NR3C2: variants seen among roughly 807,000 people sequenced by gnomAD.
NR3C2 encodes nuclear receptor subfamily 3 group C member 2.
NR3C2 carries 15 observed loss-of-function variants against 86.4 expected under a neutral mutation model. That is an observed-to-expected ratio of 0.17 (90% CI 0.12 to 0.27). The LOEUF (loss-of-function observed/expected upper bound fraction) is 0.27. Ranked by LOEUF, NR3C2 falls within the 10% of genes least tolerant of loss-of-function variation. The probability of loss-of-function intolerance (pLI) is 1.00; values close to 1 mark genes in which losing one functional copy is unlikely to be tolerated. For missense variants in NR3C2, 960 were observed against 1,195.6 expected (o/e 0.80, Z 2.91); for synonymous variants, 458 against 450.5 (o/e 1.02, Z -0.21).
rs527538188 is a variant in NR3C2, at chr4:148,183,122, T to C, written c.2014+11624A>G. On this transcript the variant is annotated intron_variant, in intron 4 of 8. Coordinates refer to ENST00000358102, the MANE Select transcript of NR3C2 (RefSeq NM_000901.5). ...TTGCTGAGAATGATGGTTTCCAGCT[T>C]CATCCATGTCCCTGTAAAGGACATG... 2.4e-4 allele frequency among the ~76,000 whole-genome samples: 36 copies of C among 152,320 alleles called. No homozygotes were observed. The South Asian group carries it at 6.4e-3, about 27-fold the overall frequency.
Position 148,319,037 on chromosome 4 carries a change from T to C in NR3C2, c.1758-58920A>G, listed in dbSNP as rs553950745. ...CTAACGTTTAAGTCTTTAATCAATC[T>C]TGAATTGATTTTTGTATAAGGTGTA... On this transcript the variant is annotated intron_variant, in intron 2 of 8. Coordinates refer to ENST00000358102, the MANE Select transcript of NR3C2 (RefSeq NM_000901.5). Among the ~76,000 whole-genome samples, 65 of 152,078 alleles carry C rather than the reference T, an allele frequency of 4.3e-4. 1 individual carries two copies. The South Asian group carries it at 0.013, about 31-fold the overall frequency.
intron 2 of NR3C2, among the ~76,000 whole-genome samples, chr4:148,425,408 T>G (rs1419992150): frequency 2.0e-5 from 3 of 152,190 alleles, no homozygotes; most frequent in Admixed American, 2.0e-4. Context: ...ATGACCACTT[T>G]CAATAAGAAG....
At chr4:148,316,828 C>T (rs150212719) in intron 2 of NR3C2, among the ~76,000 whole-genome samples, 18 of 152,108 alleles carry the variant, frequency 1.2e-4, no homozygotes, top group Admixed American at 1.0e-3. Context: ...CTGAGACAGG[C>T]TCTCGCTCTG....
chr4:148,088,656 T>G (rs1730924810), intron 8 of NR3C2, among the ~76,000 whole-genome samples: 1 of 150,508 alleles, frequency 6.6e-6, no homozygotes, highest in African/African-American at 2.5e-5. Context: ...TAAGTGGGAG[T>G]TGAACAATGA....
chr4:148,350,191 C>T, intron 2 of NR3C2, among the ~76,000 whole-genome samples: 1 of 152,096 alleles, frequency 6.6e-6, no homozygotes, highest in Non-Finnish European at 1.5e-5. Context: ...ATTAATTGCC[C>T]AAGCCAATGT....
intron 3 of NR3C2, among the ~76,000 whole-genome samples, chr4:148,249,194 G>A (rs1739454989): frequency 6.6e-6 from 1 of 152,028 alleles, no homozygotes; most frequent in South Asian, 2.1e-4. Flanking sequence ...TTCTAAGAGG[G>A]TGGTATGAAT....
At chr4:148,442,614 G>GC, upstream of NR3C2, 1 of 982,952 alleles carries the variant, frequency 1.0e-6, no homozygotes, top group Non-Finnish European at 1.2e-6. Context: ...GCTCCACGCC[G>GC]CACGGGTCAG....
intron 2 of NR3C2, among the ~76,000 whole-genome samples, chr4:148,323,540 G>A (rs1041790200): frequency 8.6e-6 from 1 of 116,178 alleles, no homozygotes; most frequent in Non-Finnish European, 2.0e-5. Context: ...GACTCCGTGA[G>A]TGTAGGACCC....
At chr4:148,249,823 A>G (rs1416221489) in intron 3 of NR3C2, among the ~76,000 whole-genome samples, 1 of 152,248 alleles carries the variant, frequency 6.6e-6, no homozygotes, top group African/African-American at 2.4e-5. Context: ...GCTAGCATTT[A>G]TTAAAGAGCT....
intron 4 of NR3C2, among the ~76,000 whole-genome samples, chr4:148,190,730 A>G (rs939378795): frequency 5.9e-5 from 9 of 152,054 alleles, no homozygotes; most frequent in African/African-American, 1.9e-4. Context: ...TTACGTGCAT[A>G]TATGTTTAGG....
chr4:148,145,284 T>C (rs1278016290), intron 6 of NR3C2, among the ~76,000 whole-genome samples: 2 of 152,098 alleles, frequency 1.3e-5, no homozygotes, highest in East Asian at 1.9e-4. Context: ...AGTAAACACA[T>C]TGTGCATGCT....
At chr4:148,377,206 G>A (rs1746722852) in intron 2 of NR3C2, among the ~76,000 whole-genome samples, 1 of 152,184 alleles carries the variant, frequency 6.6e-6, no homozygotes, top group Non-Finnish European at 1.5e-5. Context: ...AGGAATGAGG[G>A]GATGTGATTT....
chr4:148,301,056 CTGTT>C (rs541245845), intron 2 of NR3C2, among the ~76,000 whole-genome samples: 27 of 152,188 alleles, frequency 1.8e-4, no homozygotes, highest in African/African-American at 6.5e-4. Context: ...TCAGCTATAC[CTGTT>C]TATTAGGCCC....
intron 2 of NR3C2, among the ~76,000 whole-genome samples, chr4:148,339,424 T>C (rs1818448): frequency 0.7 from 105,789 of 152,078 alleles, 37,272 homozygotes; most frequent in Non-Finnish European, 0.76. Context: ...ACATTAACCC[T>C]AGAAAAATTT....
chr4:148,387,347 A>G (rs1219382635), intron 2 of NR3C2, among the ~76,000 whole-genome samples: 1 of 152,158 alleles, frequency 6.6e-6, no homozygotes, highest in African/African-American at 2.4e-5. Flanking sequence ...CGACATTACA[A>G]AGCTACCTAC....
chr4:148,135,922 T>C (rs1016490774), intron 6 of NR3C2, among the ~76,000 whole-genome samples: 2 of 131,906 alleles, frequency 1.5e-5, no homozygotes, highest in Non-Finnish European at 3.4e-5. Flanking sequence ...CCGGGCATAG[T>C]GGCGGGCGCC....
upstream of NR3C2, chr4:148,444,351 C>T: frequency 1.0e-6 from 1 of 985,382 alleles, no homozygotes; most frequent in Non-Finnish European, 1.2e-6. Context: ...CGCCACCCAG[C>T]ACCCTTGCCC....
intron 2 of NR3C2, among the ~76,000 whole-genome samples, chr4:148,426,445 A>G (rs1056271672): frequency 7.9e-5 from 12 of 152,226 alleles, no homozygotes; most frequent in African/African-American, 2.4e-4. Context: ...ATACTGGAGA[A>G]GCCATGCTGT....
intron 4 of NR3C2, among the ~76,000 whole-genome samples, chr4:148,173,057 G>A (rs1735207523): frequency 6.6e-6 from 1 of 152,108 alleles, no homozygotes. Context: ...AATATGTAGG[G>A]GCCATCTCAG....
Sources: allele counts gnomAD v4.1 joint callset (sites outside exome capture counted in the v4.1 genomes callset), GRCh38; gene constraint gnomAD v4.1.1; transcripts MANE v1.5; gene names NCBI Gene and HGNC (gene_info 2026-07-23, HGNC 2026-07-21).